Variants in DCC observed in about 807,000 individuals in gnomAD.
The protein encoded by DCC is DCC netrin 1 receptor, also known as netrin receptor DCC.
Under a neutral mutation model 172.5 loss-of-function variants are expected in DCC, and 58 were observed. The observed-to-expected ratio is 0.34, with a 90% CI of 0.27 to 0.42. The LOEUF is 0.42. Ranked by LOEUF, DCC falls within the 10% of genes least tolerant of loss-of-function variation. DCC has a pLI of 1.00. For missense variants in DCC, 1,740 were observed against 1,791.0 expected, an observed-to-expected ratio of 0.97 and a Z score of 0.51; for synonymous variants, 709 against 644.5, an observed-to-expected ratio of 1.10 and a Z score of -1.52.
chr18:52,862,945 A>T (rs1598877758), intron 2 of DCC, among the ~76,000 whole-genome samples: 1 of 152,278 alleles, frequency 6.6e-6, no homozygotes, highest in South Asian at 2.1e-4. Flanking sequence ...GGAGAAACCT[A>T]AATTCTACCT....
At position 53,402,775 on chromosome 18, in the gene DCC, T is replaced by C; in HGVS notation, c.2828-11T>C. 1 of 1,594,132 alleles carries C rather than the reference T, an allele frequency of 6.3e-7. No homozygotes were observed. Among genetic ancestry groups the C allele is most frequent in the South Asian group, 1.1e-5 (1 of 90,710 alleles). On this transcript the variant is annotated splice_polypyrimidine_tract_variant and intron_variant, in intron 18 of 28. Transcript: ENST00000442544. ...CCAATGACAAGGCCTTATCTCTGTC[T>C]CACCTCACAGCCCCCACCTCTGCTC... is the stretch of plus-strand genomic sequence containing the variant.
chr18:52,752,157 C>A lies in DCC; in HGVS notation c.195C>A (p.Ser65=), dbSNP rs766772715. The change falls in exon 2 of 29, where the codon TCC becomes TCA. Residue 65 remains serine, a synonymous_variant. Transcript: ENST00000442544. ...TCCTCCTCGACTGCTCCGCGGAGTC[C>A]GACCGAGGAGTTCCAGTGATCAAGT... The part of the protein sequence containing the change: ...GNVLLDCSAE[S]DRGVPVIKWK... 6.2e-7 allele frequency: 1 copy of A among 1,613,972 alleles called. No individual in the cohort carries two copies.
rs2057872763 is a variant in DCC at position 53,355,872 on chromosome 18, T to C, written c.2359+15965T>C. Among the ~76,000 whole-genome samples the C allele has an allele frequency of 2.0e-5, 3 of 152,148 alleles. No individual in the cohort carries two copies. The South Asian group carries it at 6.2e-4, about 31-fold the overall frequency. On this transcript the variant is annotated intron_variant, in intron 15 of 28. Transcript: ENST00000442544. The stretch of plus-strand genomic sequence containing the variant: ...AATTATGTCCTTGTCATGGATTTTA[T>C]ACAATTTTATTTTTATATACTGGTA...
At chr18:53,360,172 T>C (rs1175140064) in intron 15 of DCC, among the ~76,000 whole-genome samples, 2 of 152,270 alleles carry the variant, frequency 1.3e-5, no homozygotes, top group East Asian at 1.9e-4. Flanking sequence ...TGTGTTTGTG[T>C]GTTTTAATCA....
chr18:53,105,121 T>C (rs577287096), intron 7 of DCC, among the ~76,000 whole-genome samples: 40 of 152,174 alleles, frequency 2.6e-4, no homozygotes, highest in African/African-American at 9.1e-4. Context: ...CTTAGATTTC[T>C]AGATCTTGGA....
At chr18:53,427,074 T>C (rs1911018602) in intron 21 of DCC, among the ~76,000 whole-genome samples, 1 of 152,126 alleles carries the variant, frequency 6.6e-6, no homozygotes. Context: ...GGGAGGCTTT[T>C]ATGGATCATT....
At chr18:53,439,560 C>A (rs929904620) in intron 22 of DCC, among the ~76,000 whole-genome samples, 3 of 152,110 alleles carry the variant, frequency 2.0e-5, no homozygotes, top group Admixed American at 1.3e-4. Context: ...TAAATTTAGA[C>A]CTTGCTAATC....
chr18:53,357,343 G>A (rs533856044), intron 15 of DCC, among the ~76,000 whole-genome samples: 1 of 152,124 alleles, frequency 6.6e-6, no homozygotes, highest in Non-Finnish European at 1.5e-5. Flanking sequence ...CTCCCAGAGT[G>A]CATTCTAAGT....
At chr18:53,050,330 TCAATC>T (rs1475464131) in intron 5 of DCC, among the ~76,000 whole-genome samples, 6 of 152,060 alleles carry the variant, frequency 3.9e-5, no homozygotes, top group Non-Finnish European at 8.8e-5. Context: ...TTTGCATCCT[TCAATC>T]CAATCAAGTT....
At chr18:53,286,138 T>C (rs1173498509) in intron 12 of DCC, among the ~76,000 whole-genome samples, 1 of 152,196 alleles carries the variant, frequency 6.6e-6, no homozygotes, top group Non-Finnish European at 1.5e-5. Context: ...TTTGGAGGGC[T>C]GTTGGGAAGG....
At chr18:52,391,218 T>G (rs1986018975) in intron 1 of DCC, among the ~76,000 whole-genome samples, 1 of 152,102 alleles carries the variant, frequency 6.6e-6, no homozygotes, top group African/African-American at 2.4e-5. Context: ...GAGCCTATCA[T>G]CTCTTGACTT....
At position 53,029,738 on chromosome 18, in the gene DCC, C is replaced by T. The variant is rs111589876; in HGVS notation, c.986-33567C>T. On this transcript the variant is annotated intron_variant, in intron 5 of 28. Coordinates refer to ENST00000442544, the MANE Select transcript of DCC (RefSeq NM_005215.4). ...CTATCATTTTGAGGGGCTATTCAGC[C>T]TATGCCCCTCCTCCACTTACTCAAC... Among the ~76,000 whole-genome samples, 1,034 of 152,238 alleles carry T rather than the reference C, an allele frequency of 6.8e-3. 15 individuals carry two copies. The highest frequency in any genetic ancestry group is 0.023 in the African/African-American group (972 of 41,544).
In DCC at chr18:53,070,315, A is replaced by G. The variant is rs540939941; in HGVS notation, c.1261+4149A>G. On this transcript the variant is annotated intron_variant, in intron 7 of 28. Transcript: ENST00000442544. ...GCACCCAGCCAATAAGGGCTTTTAA[A>G]TACTTACCTCACCCCAGGGCCAGAG... Among the ~76,000 whole-genome samples the G allele has an allele frequency of 9.2e-5, 14 of 152,226 alleles. No individual in the cohort carries two copies. In the East Asian group the frequency reaches 2.7e-3, roughly 29 times the overall value.
chr18:52,421,271 G>A (rs1987238801), intron 1 of DCC, among the ~76,000 whole-genome samples: 1 of 152,158 alleles, frequency 6.6e-6, no homozygotes, highest in Non-Finnish European at 1.5e-5. Flanking sequence ...AGGTAGACCA[G>A]GTGTCTGATG....
At chr18:53,389,254 T>C (rs1307957781) in intron 16 of DCC, among the ~76,000 whole-genome samples, 2 of 148,740 alleles carry the variant, frequency 1.3e-5, no homozygotes, top group Admixed American at 6.7e-5. Context: ...AGTCAGCGTA[T>C]AAATCACCCA....
intron 12 of DCC, among the ~76,000 whole-genome samples, chr18:53,228,659 A>G (rs1343162220): frequency 6.6e-6 from 1 of 152,100 alleles, no homozygotes; most frequent in Non-Finnish European, 1.5e-5. Flanking sequence ...GCATTTTCTG[A>G]CTATACTTAA....
At chr18:53,163,454 A>T (rs73960208) in intron 8 of DCC, among the ~76,000 whole-genome samples, 1 of 152,134 alleles carries the variant, frequency 6.6e-6, no homozygotes, top group Non-Finnish European at 1.5e-5. Context: ...GTTAGCTGTG[A>T]TGTTTGTTTG....
chr18:53,454,339 G>T (rs1346661667), intron 23 of DCC, among the ~76,000 whole-genome samples: 1 of 152,160 alleles, frequency 6.6e-6, no homozygotes. Context: ...AGTGAGGCCT[G>T]TCTCAAAAGA....
intron 1 of DCC, among the ~76,000 whole-genome samples, chr18:52,342,179 G>T (rs1392773132): frequency 6.6e-6 from 1 of 152,182 alleles, no homozygotes; most frequent in African/African-American, 2.4e-5. Context: ...AGCCTCGCTC[G>T]GCCGCACGCG....
Sources: allele counts gnomAD v4.1 joint callset (sites outside exome capture counted in the v4.1 genomes callset), GRCh38; gene constraint gnomAD v4.1.1; transcripts MANE v1.5; gene names NCBI Gene and HGNC (gene_info 2026-07-23, HGNC 2026-07-21).